Variants in ROBO2 observed in about 807,000 individuals in gnomAD.
The protein encoded by ROBO2 is roundabout guidance receptor 2, also known as roundabout homolog 2.
Under a neutral mutation model 160.8 loss-of-function variants are expected in ROBO2, and 53 were observed. The observed-to-expected ratio is 0.33, with a 90% confidence interval of 0.26 to 0.41. ROBO2 has a LOEUF of 0.41. ROBO2 is among the 10% of genes least tolerant of loss of function. The pLI, the probability that ROBO2 is intolerant of heterozygous loss-of-function variation, is 1.00. For missense variants in ROBO2, 1,577 were observed against 1,722.4 expected (o/e 0.92, Z 1.49); for synonymous variants, 664 against 611.7 (o/e 1.09, Z -1.26).
intron 2 of ROBO2, among the ~76,000 whole-genome samples, chr3:76,604,468 A>C (rs1212241198): frequency 6.6e-6 from 1 of 152,160 alleles, no homozygotes. Context: ...TTTATATGAA[A>C]ATCACCTTTT....
intron 2 of ROBO2, among the ~76,000 whole-genome samples, chr3:77,184,031 A>T (rs2081053529): frequency 6.6e-6 from 1 of 151,940 alleles, no homozygotes; most frequent in Admixed American, 6.6e-5. Flanking sequence ...ACCATGAAAC[A>T]ACTGAACCTC....
chr3:76,606,607 T>C (rs971022930), intron 2 of ROBO2, among the ~76,000 whole-genome samples: 2 of 152,148 alleles, frequency 1.3e-5, no homozygotes, highest in African/African-American at 2.4e-5. Flanking sequence ...GCAATAGTGG[T>C]TCCTTTTACT....
At chr3:76,810,308 A>T (rs1342184452) in intron 2 of ROBO2, among the ~76,000 whole-genome samples, 1 of 152,150 alleles carries the variant, frequency 6.6e-6, no homozygotes, top group Non-Finnish European at 1.5e-5. Flanking sequence ...TCAGAGGCAC[A>T]CCCAGTTCGC....
intron 2 of ROBO2, among the ~76,000 whole-genome samples, chr3:76,515,969 A>G (rs72902507): frequency 0.031 from 4,746 of 152,258 alleles, 262 homozygotes; most frequent in African/African-American, 0.11. Context: ...GCAAGGCATT[A>G]GAGAAAGTGA....
intron 2 of ROBO2, among the ~76,000 whole-genome samples, chr3:76,640,521 G>A (rs773516787): frequency 3.3e-5 from 5 of 150,522 alleles, no homozygotes; most frequent in Admixed American, 6.7e-5. Context: ...GGCAACGAGT[G>A]AAGCTCCGTC....
intron 2 of ROBO2, among the ~76,000 whole-genome samples, chr3:77,292,055 A>T (rs1322078874): frequency 6.6e-6 from 1 of 151,662 alleles, no homozygotes; most frequent in Non-Finnish European, 1.5e-5. Flanking sequence ...TTAACGGGTA[A>T]GCTGAGACTA....
At chr3:77,055,272 T>C (rs895847925) in intron 1 of ROBO2, among the ~76,000 whole-genome samples, 2 of 152,096 alleles carry the variant, frequency 1.3e-5, no homozygotes, top group Non-Finnish European at 2.9e-5. Flanking sequence ...TAAGGGATGG[T>C]CTTGATATTA....
chr3:76,545,821 T>C (rs2083067045), intron 2 of ROBO2, among the ~76,000 whole-genome samples: 1 of 151,926 alleles, frequency 6.6e-6, no homozygotes, highest in African/African-American at 2.4e-5. Flanking sequence ...ATCTAACATA[T>C]TGTTAATAGT....
chr3:77,333,964 G>A (rs2066234437), intron 2 of ROBO2, among the ~76,000 whole-genome samples: 1 of 152,172 alleles, frequency 6.6e-6, no homozygotes, highest in East Asian at 1.9e-4. Flanking sequence ...CATTCAGATT[G>A]AGTAAGCTCT....
chr3:76,581,088 T>C (rs1398680829), intron 2 of ROBO2, among the ~76,000 whole-genome samples: 2 of 152,206 alleles, frequency 1.3e-5, no homozygotes, highest in Admixed American at 6.5e-5. Flanking sequence ...GACAATGTAG[T>C]ATTTGTATGT....
chr3:76,475,041 G>T (rs1048216147), intron 2 of ROBO2, among the ~76,000 whole-genome samples: 1 of 151,972 alleles, frequency 6.6e-6, no homozygotes, highest in African/African-American at 2.4e-5. Context: ...AGGACAGTTT[G>T]CCCACCAAGA....
intron 23 of ROBO2, chr3:77,632,393 A>T: frequency 1.0e-6 from 1 of 979,252 alleles, no homozygotes; most frequent in Non-Finnish European, 1.4e-6. Context: ...TGGACAACTT[A>T]CTTGCTCATT....
intron 2 of ROBO2, among the ~76,000 whole-genome samples, chr3:76,080,983 G>GA (rs1035727200): frequency 1.3e-5 from 2 of 151,842 alleles, no homozygotes; most frequent in African/African-American, 4.8e-5. Flanking sequence ...CTTGTTAACA[G>GA]AAAAAAATTC....
At chr3:77,200,230 A>G (rs2082706457) in intron 2 of ROBO2, among the ~76,000 whole-genome samples, 1 of 125,296 alleles carries the variant, frequency 8.0e-6, no homozygotes, top group African/African-American at 3.2e-5. Flanking sequence ...AATATATGCT[A>G]ATAATTTGTG....
intron 2 of ROBO2, among the ~76,000 whole-genome samples, chr3:77,400,737 A>C (rs932509865): frequency 5.3e-5 from 8 of 152,156 alleles, no homozygotes; most frequent in Non-Finnish European, 1.2e-4. Flanking sequence ...CTAAATGCAG[A>C]TGTAGTTAAT....
At chr3:76,993,146 GA>G (rs1329563414) in intron 2 of ROBO2, among the ~76,000 whole-genome samples, 9 of 151,952 alleles carry the variant, frequency 5.9e-5, no homozygotes, top group African/African-American at 1.7e-4. Context: ...TAAGCTAGAA[GA>G]AAAAAAGTTT....
At chr3:77,260,198 A>AC (rs778487416) in intron 2 of ROBO2, among the ~76,000 whole-genome samples, 7 of 152,170 alleles carry the variant, frequency 4.6e-5, no homozygotes, top group Non-Finnish European at 7.3e-5. Flanking sequence ...ATGGGTTCTC[A>AC]GCAGCCCATT....
intron 2 of ROBO2, among the ~76,000 whole-genome samples, chr3:76,099,038 T>C (rs1008362548): frequency 1.3e-5 from 2 of 152,168 alleles, no homozygotes; most frequent in Admixed American, 1.3e-4. Context: ...TGGGCATCTA[T>C]TTTTCATCCA....
intron 23 of ROBO2, among the ~76,000 whole-genome samples, chr3:77,628,714 A>G (rs959271906): frequency 7.9e-5 from 12 of 152,178 alleles, no homozygotes; most frequent in Non-Finnish European, 1.5e-4. Flanking sequence ...AAAATCCCAG[A>G]CAGAGAGGCA....
Sources: allele counts gnomAD v4.1 joint callset (sites outside exome capture counted in the v4.1 genomes callset), GRCh38; gene constraint gnomAD v4.1.1; transcripts MANE v1.5; gene names NCBI Gene and HGNC (gene_info 2026-07-23, HGNC 2026-07-21).